Variants in SCFD1 observed in about 807,000 individuals in gnomAD.
SCFD1 encodes the protein sec1 family domain-containing protein 1.
SCFD1 carries 37 observed loss-of-function variants against 103.2 expected under a neutral mutation model. The ratio of observed to expected loss-of-function variants is 0.36; its 90% confidence interval spans 0.28 to 0.47. The LOEUF (loss-of-function observed/expected upper bound fraction) is 0.47. Among genes scored for constraint, SCFD1 ranks in the 20% least tolerant of loss-of-function variants. SCFD1 has a pLI of 1.00. For missense variants in SCFD1, 639 were observed against 761.2 expected, an observed-to-expected ratio of 0.84 and a Z score of 1.89; for synonymous variants, 264 against 245.0, an observed-to-expected ratio of 1.08 and a Z score of -0.73.
At chr14:30,622,298 C>G (rs200600178), upstream of SCFD1, 635 of 1,593,052 alleles carry the variant, frequency 4.0e-4, 2 homozygotes, top group African/African-American at 7.0e-3. Flanking sequence ...GTCATCCCCC[C>G]GCTCCGCTCC....
intron 10 of SCFD1, among the ~76,000 whole-genome samples, chr14:30,662,903 C>G (rs1016314226): frequency 6.6e-6 from 1 of 152,132 alleles, no homozygotes; most frequent in African/African-American, 2.4e-5. Context: ...CACCTTTGTC[C>G]TATCTTCTAA....
intron 14 of SCFD1, among the ~76,000 whole-genome samples, chr14:30,684,803 C>CTTTTTTT (rs780577178): frequency 2.0e-3 from 107 of 54,808 alleles, no homozygotes; most frequent in East Asian, 5.0e-3. Flanking sequence ...GCAATTGTTT[C>CTTTTTTT]TTTTTTTTTT....
At chr14:30,641,545 A>G (rs1300402293) in intron 6 of SCFD1, among the ~76,000 whole-genome samples, 1 of 152,226 alleles carries the variant, frequency 6.6e-6, no homozygotes, top group Non-Finnish European at 1.5e-5. Flanking sequence ...TGAAGTGTCT[A>G]CAGATCACTT....
At chr14:30,724,114 T>G (rs1390490002) in intron 23 of SCFD1, among the ~76,000 whole-genome samples, 1 of 147,868 alleles carries the variant, frequency 6.8e-6, no homozygotes, top group Non-Finnish European at 1.5e-5. Context: ...TGGTGTAAGA[T>G]GGTATCTCAT....
intron 14 of SCFD1, among the ~76,000 whole-genome samples, chr14:30,677,601 C>G (rs1734082756): frequency 6.9e-6 from 1 of 144,816 alleles, no homozygotes; most frequent in African/African-American, 2.7e-5. Context: ...CTCATTATTT[C>G]TCATTATTCC....
At position 30,627,763 on chromosome 14, in the gene SCFD1, AAAAAG is replaced by A. The variant is rs1441105792; in HGVS notation, c.62-442_62-438del. On this transcript the variant is annotated intron_variant, in intron 1 of 24. Coordinates refer to ENST00000458591, the MANE Select transcript of SCFD1 (RefSeq NM_016106.4). ...TGTCTCAGAAAAAAAAAAAAAAAAAAAAAAGAAAGACTGATCTTTCTCACTAGGCC... is the reference window on the plus strand; with the variant it reads ...TGTCTCAGAAAAAAAAAAAAAAAAAAAAAGACTGATCTTTCTCACTAGGCC... Among the ~76,000 whole-genome samples the A allele has an allele frequency of 2.0e-3, 243 of 124,536 alleles. 2 individuals carry two copies. Among genetic ancestry groups the A allele is most frequent in the African/African-American group, 7.7e-3 (232 of 30,088 alleles). 81.7% of individuals were successfully genotyped at this position (124,536 alleles called of 152,430 possible). A position where few individuals can be genotyped will look rare whatever the true frequency, so the allele number is the denominator to read the frequency against.
rs147541321 is a variant in SCFD1 at position 30,633,538 on chromosome 14, G to A, written c.222-409G>A. 4.0e-3 allele frequency among the ~76,000 whole-genome samples: 602 copies of A among 150,954 alleles called. 2 individuals are homozygous for A. Among genetic ancestry groups the A allele is most frequent in the African/African-American group, 0.011 (456 of 41,114 alleles). ...TTGCTTCTAAAATTTTTTTCATTGC[G>A]TCCCCTAGCTTTCTGATTTTCCCCT... On this transcript the variant is annotated intron_variant, in intron 3 of 24. Transcript: ENST00000458591.
At chr14:30,721,069 C>T (rs1195509711) in intron 21 of SCFD1, among the ~76,000 whole-genome samples, 1 of 152,048 alleles carries the variant, frequency 6.6e-6, no homozygotes, top group Non-Finnish European at 1.5e-5. Flanking sequence ...TCTCCTCATC[C>T]ATGTCTACTG....
At chr14:30,684,626 G>C (rs1023528196) in intron 14 of SCFD1, among the ~76,000 whole-genome samples, 2 of 151,084 alleles carry the variant, frequency 1.3e-5, no homozygotes, top group Non-Finnish European at 2.9e-5. Flanking sequence ...AAGGATTTTT[G>C]AGAAATGCAT....
At chr14:30,695,330 T>A (rs1566638156) in intron 15 of SCFD1, among the ~76,000 whole-genome samples, 1 of 152,194 alleles carries the variant, frequency 6.6e-6, no homozygotes, top group Non-Finnish European at 1.5e-5. Flanking sequence ...AATATTTGTA[T>A]GTTAGATTTT....
At chr14:30,639,906 T>G (rs1025764594) in intron 6 of SCFD1, 42 bp downstream of exon 6, 1 of 1,550,534 alleles carries the variant, frequency 6.4e-7, no homozygotes, top group African/African-American at 1.4e-5. Context: ...GTTAACAAAA[T>G]GAATGGTATA....
intron 14 of SCFD1, among the ~76,000 whole-genome samples, chr14:30,694,423 G>A (rs924835624): frequency 2.0e-5 from 3 of 151,810 alleles, no homozygotes; most frequent in Non-Finnish European, 2.9e-5. Flanking sequence ...CTGTAATCCC[G>A]CACTTTGGGA....
intron 2 of SCFD1, among the ~76,000 whole-genome samples, chr14:30,629,619 C>T (rs1464621205): frequency 6.8e-6 from 1 of 148,040 alleles, no homozygotes; most frequent in Non-Finnish European, 1.5e-5. Flanking sequence ...CGCTTTGTCG[C>T]CAGGCTGGAA....
At chr14:30,634,218 AGT>A (rs1884472710) in intron 4 of SCFD1, among the ~76,000 whole-genome samples, 181 bp downstream of exon 4, 2 of 152,168 alleles carry the variant, frequency 1.3e-5, no homozygotes, top group Non-Finnish European at 2.9e-5. Flanking sequence ...TGGCTGAAGA[AGT>A]ATTATACAGT....
chr14:30,672,378 T>G (rs1888633264), intron 11 of SCFD1, among the ~76,000 whole-genome samples: 1 of 152,156 alleles, frequency 6.6e-6, no homozygotes. Flanking sequence ...CTTTCTGAGC[T>G]CCTGTCTTTT....
chr14:30,715,090 T>C lies in SCFD1; in HGVS notation c.1630-834T>C, dbSNP rs578215606. On this transcript the variant is annotated intron_variant, in intron 19 of 24. Coordinates refer to ENST00000458591, the MANE Select transcript of SCFD1 (RefSeq NM_016106.4). The stretch of plus-strand genomic sequence containing the variant: ...TGCAACATTGAAAACTTGGAACTTA[T>C]CCCAGGCAAAATAAAAATGGTCAAT... 5.3e-5 allele frequency among the ~76,000 whole-genome samples: 8 copies of C among 152,300 alleles called. No homozygotes were observed. The East Asian group carries it at 1.5e-3, about 29-fold the overall frequency.
intron 10 of SCFD1, among the ~76,000 whole-genome samples, chr14:30,666,394 T>C (rs184498476): frequency 3.9e-5 from 6 of 152,236 alleles, no homozygotes; most frequent in Admixed American, 3.3e-4. Context: ...GGGACACATT[T>C]AAAGCAGTGT....
At chr14:30,727,536 A>G (rs1829197993) in intron 23 of SCFD1, among the ~76,000 whole-genome samples, 2 of 152,226 alleles carry the variant, frequency 1.3e-5, no homozygotes, top group Non-Finnish European at 2.9e-5. Flanking sequence ...GACAGCTTCA[A>G]ATAAAGGAGA....
intron 4 of SCFD1, among the ~76,000 whole-genome samples, chr14:30,637,128 T>C (rs1287594143): frequency 6.6e-6 from 1 of 152,032 alleles, no homozygotes; most frequent in Non-Finnish European, 1.5e-5. Flanking sequence ...GTCCTCTCAA[T>C]GGAAAAAGTT....
Sources: allele counts gnomAD v4.1 joint callset (sites outside exome capture counted in the v4.1 genomes callset), GRCh38; gene constraint gnomAD v4.1.1; transcripts MANE v1.5; gene names NCBI Gene and HGNC (gene_info 2026-07-23, HGNC 2026-07-21).